Variants in PHF21B observed in about 807,000 individuals in gnomAD.
The protein encoded by PHF21B is PHD finger protein 21B.
PHF21B carries 22 observed loss-of-function variants against 62.2 expected under a neutral mutation model. The observed-to-expected ratio is 0.35, with a 90% CI of 0.25 to 0.51. PHF21B has a LOEUF of 0.51. Among genes scored for constraint, PHF21B ranks in the 20% least tolerant of loss-of-function variants. The pLI is 0.97. For missense variants in PHF21B, 701 were observed against 707.9 expected, an observed-to-expected ratio of 0.99 and a Z score of 0.11; for synonymous variants, 341 against 314.7, an observed-to-expected ratio of 1.08 and a Z score of -0.88.
chr22:44,995,003 C>G (rs868586399), intron 2 of PHF21B, among the ~76,000 whole-genome samples: 1 of 152,232 alleles, frequency 6.6e-6, no homozygotes, highest in Non-Finnish European at 1.5e-5. Flanking sequence ...TACTGGTACT[C>G]GCCAGCCAGG....
chr22:44,960,665 G>C (rs1443215623), intron 2 of PHF21B, among the ~76,000 whole-genome samples: 1 of 152,226 alleles, frequency 6.6e-6, no homozygotes, highest in Non-Finnish European at 1.5e-5. Flanking sequence ...ATCTGAATTA[G>C]TGGCCTGAGT....
intron 5 of PHF21B, 141 bp downstream of exon 5, chr22:44,913,681 G>C: frequency 8.1e-7 from 1 of 1,237,252 alleles, no homozygotes; most frequent in South Asian, 1.7e-5. Context: ...GCCCCATCCT[G>C]GTCGCCGACT....
At chr22:44,934,432 G>A (rs145854017) in intron 2 of PHF21B, among the ~76,000 whole-genome samples, 2 of 152,210 alleles carry the variant, frequency 1.3e-5, no homozygotes, top group African/African-American at 2.4e-5. Flanking sequence ...CCACGAGCAG[G>A]AGTTTTTTTC....
rs1157366282 is a variant in PHF21B at position 44,961,839 on chromosome 22, T to TA, written c.121-41350_121-41349insT. On this transcript the variant is annotated intron_variant, in intron 2 of 12. Transcript: ENST00000313237. ...CAGCCTGGGTGACAGAGCGAGACTC[T>TA]GTCTCAAAATAAATAAATAAATAAA... 1.6e-4 allele frequency among the ~76,000 whole-genome samples: 24 copies of TA among 146,520 alleles called. No homozygotes were observed. In the Admixed American group the frequency reaches 1.7e-3, roughly 10 times the overall value.
intron 2 of PHF21B, among the ~76,000 whole-genome samples, chr22:44,974,865 T>C (rs1328111655): frequency 2.6e-5 from 4 of 152,220 alleles, no homozygotes; most frequent in South Asian, 2.1e-4. Flanking sequence ...TTCTCTGTTA[T>C]TGAAAATTCT....
intron 2 of PHF21B, among the ~76,000 whole-genome samples, chr22:44,952,896 G>T (rs2072221934): frequency 1.3e-5 from 2 of 152,186 alleles, no homozygotes; most frequent in Non-Finnish European, 2.9e-5. Flanking sequence ...CCTGTGTCGG[G>T]CACCCTCCTA....
chr22:44,995,723 G>A (rs954739838), intron 2 of PHF21B, among the ~76,000 whole-genome samples: 3 of 152,012 alleles, frequency 2.0e-5, no homozygotes, highest in Admixed American at 6.6e-5. Flanking sequence ...TCGGTATGTC[G>A]GCACCTTCCG....
rs552557330 is a variant in PHF21B at position 44,890,434 on chromosome 22, C to T, written c.1016-652G>A. Reference sequence around the variant, plus strand: ...AATGCCACCCAGCGGGAGAACAGTTCCGGAGTCTGCACAGCACTCGACAGC... The same window carrying T: ...AATGCCACCCAGCGGGAGAACAGTTTCGGAGTCTGCACAGCACTCGACAGC... On this transcript the variant is annotated intron_variant, in intron 8 of 12. Coordinates refer to ENST00000313237, the MANE Select transcript of PHF21B (RefSeq NM_138415.5). 1.6e-4 allele frequency among the ~76,000 whole-genome samples: 24 copies of T among 152,330 alleles called. No homozygotes were observed. In the East Asian group the frequency reaches 4.2e-3, roughly 27 times the overall value.
intron 2 of PHF21B, among the ~76,000 whole-genome samples, chr22:44,934,333 C>T (rs1258334088): frequency 6.6e-6 from 1 of 152,246 alleles, no homozygotes; most frequent in African/African-American, 2.4e-5. Flanking sequence ...CGACCTAAGA[C>T]AAGACAGGCA....
intron 2 of PHF21B, among the ~76,000 whole-genome samples, chr22:44,931,520 A>G (rs769969364): frequency 6.6e-6 from 1 of 151,992 alleles, no homozygotes; most frequent in Non-Finnish European, 1.5e-5. Context: ...ACACCCGTTC[A>G]GCGGCCCTCG....
intron 2 of PHF21B, among the ~76,000 whole-genome samples, chr22:44,987,446 A>G (rs1359388690): frequency 1.3e-5 from 2 of 152,172 alleles, no homozygotes; most frequent in Non-Finnish European, 2.9e-5. Flanking sequence ...CCAGGTCTAC[A>G]AGGCGTGCAC....
Position 44,913,906 on chromosome 22 carries a change from C to A in PHF21B, c.747G>T (p.Arg249=). ...QTQPESTAES[R]PPTEEPSQGA... Reference sequence around the variant, plus strand: ...CCTGAGATGGCTCCTCTGTGGGCGGCCGCGACTCTGCCGTGCTCTCGGGCT... The same window carrying A: ...CCTGAGATGGCTCCTCTGTGGGCGGACGCGACTCTGCCGTGCTCTCGGGCT... The change falls in exon 5 of 13, where the codon CGG becomes CGT. Residue 249 remains arginine (R), a synonymous_variant. Transcript: ENST00000313237. 1 of 1,613,964 alleles carries A rather than the reference C, an allele frequency of 6.2e-7. No homozygotes were observed. Among genetic ancestry groups the A allele is most frequent in the South Asian group, 1.1e-5 (1 of 91,054 alleles).
At chr22:44,894,001 C>A (rs756459383) in intron 6 of PHF21B, among the ~76,000 whole-genome samples, 2 of 152,224 alleles carry the variant, frequency 1.3e-5, no homozygotes, top group Non-Finnish European at 2.9e-5. Flanking sequence ...CCTTCGCATG[C>A]GAGCGAGAGG....
rs573828838 is a variant in PHF21B, at chr22:45,000,253, T to C, written c.120+8292A>G. 4.6e-5 allele frequency among the ~76,000 whole-genome samples: 7 copies of C among 152,292 alleles called. No homozygotes were observed. In the East Asian group the frequency reaches 1.4e-3, roughly 29 times the overall value. The stretch of plus-strand genomic sequence containing the variant: ...AATCGGGGGGCAGGGCCTCCAAGGC[T>C]GGGCCACCGGACACCCTCAAAGCTC... On this transcript the variant is annotated intron_variant, in intron 2 of 12. Coordinates refer to ENST00000313237, the MANE Select transcript of PHF21B (RefSeq NM_138415.5).
chr22:44,968,276 C>T (rs1472404553), intron 2 of PHF21B, among the ~76,000 whole-genome samples: 1 of 152,160 alleles, frequency 6.6e-6, no homozygotes, highest in Non-Finnish European at 1.5e-5. Context: ...TTATTTGCAT[C>T]AGCAGGGACT....
At chr22:44,991,517 G>A (rs2073042123) in intron 2 of PHF21B, among the ~76,000 whole-genome samples, 1 of 152,170 alleles carries the variant, frequency 6.6e-6, no homozygotes, top group Non-Finnish European at 1.5e-5. Flanking sequence ...TTCGGCCCAG[G>A]AGACCCAAGG....
chr22:44,889,977 G>A (rs956401308), intron 8 of PHF21B, among the ~76,000 whole-genome samples, 195 bp from the exon 9 acceptor site: 1 of 151,072 alleles, frequency 6.6e-6, no homozygotes, highest in Non-Finnish European at 1.5e-5. Context: ...TGATACCTGG[G>A]ATCTTACCCC....
chr22:44,984,189 C>T (rs2072901872), intron 2 of PHF21B, among the ~76,000 whole-genome samples: 1 of 22,182 alleles, frequency 4.5e-5, no homozygotes, highest in Non-Finnish European at 1.1e-4. Context: ...CAACCACCAT[C>T]ATCACCACCA....
chr22:44,933,653 C>T, intron 2 of PHF21B: 1 of 322,188 alleles, frequency 3.1e-6, no homozygotes, highest in Non-Finnish European at 4.5e-6. Context: ...TGGTCACGCA[C>T]CTCCATGCCT....
Sources: allele counts gnomAD v4.1 joint callset (sites outside exome capture counted in the v4.1 genomes callset), GRCh38; gene constraint gnomAD v4.1.1; transcripts MANE v1.5; gene names NCBI Gene and HGNC (gene_info 2026-07-23, HGNC 2026-07-21).